Variants in DPYD observed in about 807,000 individuals in gnomAD.
The protein encoded by DPYD is dihydropyrimidine dehydrogenase.
A neutral mutation model predicts 116.2 loss-of-function variants in DPYD; 109 were observed. The observed-to-expected ratio is 0.94, with a 90% CI of 0.80 to 1.10. The LOEUF (loss-of-function observed/expected upper bound fraction) is 1.10. Ranked by LOEUF, DPYD falls within the 50% of genes least tolerant of loss-of-function variation. DPYD has a pLI of 0.00. For missense variants in DPYD, 1,302 were observed against 1,254.5 expected (o/e 1.04, Z -0.57); for synonymous variants, 440 against 432.0 (o/e 1.02, Z -0.23).
intron 4 of DPYD, among the ~76,000 whole-genome samples, chr1:97,721,988 T>C (rs1662951609): frequency 6.6e-6 from 1 of 151,706 alleles, no homozygotes; most frequent in Non-Finnish European, 1.5e-5. Context: ...TGTCAAAAAT[T>C]ATTCATTTCA....
intron 13 of DPYD, among the ~76,000 whole-genome samples, chr1:97,462,399 A>C (rs1269861782): frequency 6.6e-6 from 1 of 152,168 alleles, no homozygotes; most frequent in East Asian, 1.9e-4. Flanking sequence ...TCCTTCTGTA[A>C]AAGGTGTTGT....
At chr1:97,751,458 G>GTATATATATATATATA (rs1345170970) in intron 3 of DPYD, among the ~76,000 whole-genome samples, 6 of 22,058 alleles carry the variant, frequency 2.7e-4, no homozygotes, top group Non-Finnish European at 4.3e-4. Flanking sequence ...GTGTGTGTGT[G>GTATATATATATATATA]TGTATATATA....
chr1:97,828,179 C>T lies in DPYD; in HGVS notation c.168G>A (p.Glu56=), dbSNP rs1191433933. 1.2e-6 allele frequency: 2 copies of T among 1,612,324 alleles called. No individual in the cohort carries two copies. Among genetic ancestry groups the T allele is most frequent in the Non-Finnish European group, 1.7e-6 (2 of 1,179,230 alleles). The change falls in exon 3 of 23, where the codon GAG becomes GAA. Residue 56 remains glutamate (E), a synonymous_variant. Coordinates refer to ENST00000370192, the MANE Select transcript of DPYD (RefSeq NM_000110.4). ...DKNCFNCEKL[E]NNFDDIKHTT... ...TGTGCTTGATGTCATCAAAATTATT[C>T]TCCAGCTTCTCACAATTCTGCAACA... is the stretch of plus-strand genomic sequence containing the variant.
intron 14 of DPYD, among the ~76,000 whole-genome samples, chr1:97,399,898 G>A (rs1673267554): frequency 2.0e-5 from 3 of 152,124 alleles, no homozygotes; most frequent in African/African-American, 7.2e-5. Context: ...CTGCAAACAA[G>A]GACAATTTGA....
At chr1:97,162,627 C>G (rs1338759836) in intron 20 of DPYD, among the ~76,000 whole-genome samples, 1 of 151,360 alleles carries the variant, frequency 6.6e-6, no homozygotes, top group South Asian at 2.1e-4. Context: ...TTGGAAAAAA[C>G]TACTTTAAAG....
chr1:97,098,355 G>T, intron 21 of DPYD, 134 bp downstream of exon 21: 1 of 1,045,980 alleles, frequency 9.6e-7, no homozygotes, highest in Non-Finnish European at 1.4e-6. Flanking sequence ...ACCATGGACA[G>T]ATGTTTTTAA....
rs1360361709 is a variant in DPYD at position 97,921,031 on chromosome 1, G to C, written c.-109C>G. 5 of 1,391,932 alleles carry C rather than the reference G, an allele frequency of 3.6e-6. No individual in the cohort carries two copies. The highest frequency in any genetic ancestry group is 1.5e-5 in the African/African-American group (1 of 67,780). 86.2% of individuals were successfully genotyped at this position (1,391,932 alleles called of 1,614,324 possible). ...CCGGAGCGCGAGTCGAAAACAGGCA[G>C]ACTAGGGCCGGCGGCGCGGGGGCGG... On this transcript the variant is annotated 5_prime_UTR_variant, in exon 1 of 23. Coordinates refer to ENST00000370192, the MANE Select transcript of DPYD (RefSeq NM_000110.4).
At chr1:97,834,099 G>C (rs1038921220) in intron 2 of DPYD, among the ~76,000 whole-genome samples, 2 of 152,016 alleles carry the variant, frequency 1.3e-5, no homozygotes, top group Non-Finnish European at 2.9e-5. Context: ...CTTAGAAACG[G>C]AAGTTACAAA....
chr1:97,433,381 T>C (rs1297430641), intron 14 of DPYD, among the ~76,000 whole-genome samples: 1 of 152,172 alleles, frequency 6.6e-6, no homozygotes, highest in Non-Finnish European at 1.5e-5. Flanking sequence ...TCATTAAAAG[T>C]TCTTTACAAT....
Position 97,257,262 on chromosome 1 carries a change from ATATTTGATATCTTGT to A in DPYD, c.2300-22283_2300-22269del, listed in dbSNP as rs564150392. On this transcript the variant is annotated intron_variant, in intron 18 of 22. Transcript: ENST00000370192. ...ATACTCACCTATTTATAAAATCTCT[ATATTTGATATCTTGT>A]TATTAGAATCCAAACTACTCCAACT... 2.8e-4 allele frequency among the ~76,000 whole-genome samples: 42 copies of A among 152,000 alleles called. 1 individual carries two copies. The South Asian group carries it at 8.5e-3, about 31-fold the overall frequency.
intron 3 of DPYD, among the ~76,000 whole-genome samples, chr1:97,803,016 A>T (rs755576111): frequency 3.9e-5 from 6 of 151,982 alleles, no homozygotes; most frequent in Non-Finnish European, 7.4e-5. Context: ...AAGTTTATTA[A>T]TCTTTCAAAA....
At chr1:97,821,318 T>C (rs1326520759) in intron 3 of DPYD, among the ~76,000 whole-genome samples, 1 of 110,804 alleles carries the variant, frequency 9.0e-6, no homozygotes, top group East Asian at 2.6e-4. Context: ...ACAACAAGAC[T>C]GAAACTCCAC....
intron 3 of DPYD, among the ~76,000 whole-genome samples, chr1:97,786,490 T>A (rs1393241086): frequency 2.0e-5 from 3 of 152,216 alleles, no homozygotes; most frequent in Non-Finnish European, 4.4e-5. Context: ...AAAACCACCA[T>A]CTATCAAAGA....
chr1:97,412,053 C>G (rs2101669808), intron 14 of DPYD, among the ~76,000 whole-genome samples: 1 of 152,222 alleles, frequency 6.6e-6, no homozygotes, highest in South Asian at 2.1e-4. Context: ...AGGGTATACA[C>G]CTCATTAAGC....
At chr1:97,522,984 C>T (rs1466115802) in intron 12 of DPYD, among the ~76,000 whole-genome samples, 3 of 151,984 alleles carry the variant, frequency 2.0e-5, no homozygotes, top group African/African-American at 7.3e-5. Context: ...TTGAGGAATC[C>T]GCTAACATAG....
At chr1:97,606,072 A>G (rs1219343547) in intron 8 of DPYD, among the ~76,000 whole-genome samples, 6 of 152,106 alleles carry the variant, frequency 3.9e-5, no homozygotes, top group Non-Finnish European at 8.8e-5. Context: ...GTTGCATAAA[A>G]TTATTTTAAA....
At chr1:97,759,261 G>T (rs1889228) in intron 3 of DPYD, among the ~76,000 whole-genome samples, 27 of 152,302 alleles carry the variant, frequency 1.8e-4, no homozygotes, top group South Asian at 1.0e-3. Flanking sequence ...AAGAGCCCAA[G>T]GCATTTGTTG....
intron 14 of DPYD, among the ~76,000 whole-genome samples, chr1:97,412,567 C>T (rs935433698): frequency 6.6e-6 from 1 of 152,098 alleles, no homozygotes; most frequent in African/African-American, 2.4e-5. Context: ...ATTTGGAAGT[C>T]TGTTTAAAAT....
chr1:97,082,936 A>AT (rs1175544282), intron 21 of DPYD, among the ~76,000 whole-genome samples: 1 of 152,164 alleles, frequency 6.6e-6, no homozygotes, highest in Non-Finnish European at 1.5e-5. Context: ...CTGCATGAGG[A>AT]TTTTAGATTT....
Sources: gnomAD v4.1 joint callset for allele counts (sites outside exome capture counted in the v4.1 genomes callset) on GRCh38, gnomAD v4.1.1 for gene constraint, MANE v1.5 for transcripts, NCBI Gene and HGNC (gene_info 2026-07-23, HGNC 2026-07-21) for gene names.